BBX: variants seen among roughly 807,000 people sequenced by gnomAD.
BBX encodes HMG box transcription factor BBX.
A neutral mutation model predicts 100.2 loss-of-function variants in BBX; 30 were observed. The ratio of observed to expected loss-of-function variants is 0.30; its 90% CI spans 0.22 to 0.41. BBX has a LOEUF of 0.41. Ranked by LOEUF, BBX falls within the 10% of genes least tolerant of loss-of-function variation. The pLI is 1.00. For missense variants in BBX, 1,023 were observed against 1,129.8 expected (o/e 0.91, Z 1.35); for synonymous variants, 376 against 388.1 (o/e 0.97, Z 0.37).
intron 8 of BBX, among the ~76,000 whole-genome samples, chr3:107,747,450 T>A (rs1487476800): frequency 1.3e-5 from 2 of 152,112 alleles, no homozygotes; most frequent in Non-Finnish European, 2.9e-5. Context: ...AAAGTTTAGC[T>A]GAGCTGGCCA....
intron 9 of BBX, among the ~76,000 whole-genome samples, chr3:107,752,182 T>C (rs1039360544): frequency 1.3e-5 from 2 of 152,224 alleles, no homozygotes; most frequent in Non-Finnish European, 2.9e-5. Context: ...TTAGAAGATA[T>C]TTGCTTTGCC....
At chr3:107,673,057 A>G (rs892830138) in intron 3 of BBX, among the ~76,000 whole-genome samples, 1 of 152,196 alleles carries the variant, frequency 6.6e-6, no homozygotes, top group African/African-American at 2.4e-5. Context: ...GTTAAATTGG[A>G]TAATCTCTGA....
In BBX at chr3:107,739,478, A is replaced by T. The variant is rs539631305; in HGVS notation, c.670-5152A>T. 5.4e-3 allele frequency among the ~76,000 whole-genome samples: 830 copies of T among 152,342 alleles called. 3 individuals are homozygous for T. The highest frequency in any genetic ancestry group is 8.3e-3 in the Non-Finnish European group (567 of 68,028). ...CCATCCAAATCCAATGGTAGAACCCAGCCTCTACCATCTGTCCACTGTGGG... is the reference window on the plus strand; with the variant it reads ...CCATCCAAATCCAATGGTAGAACCCTGCCTCTACCATCTGTCCACTGTGGG... On this transcript the variant is annotated intron_variant, in intron 7 of 17. Coordinates refer to ENST00000325805, the MANE Select transcript of BBX (RefSeq NM_001142568.3).
At chr3:107,786,550 A>G (rs958752805) in intron 13 of BBX, among the ~76,000 whole-genome samples, 1 of 152,202 alleles carries the variant, frequency 6.6e-6, no homozygotes, top group African/African-American at 2.4e-5. Flanking sequence ...CAATGAGAAC[A>G]GTAGAGTCTT....
chr3:107,608,962 C>T (rs1474540970), intron 2 of BBX, among the ~76,000 whole-genome samples: 1 of 152,048 alleles, frequency 6.6e-6, no homozygotes, highest in Non-Finnish European at 1.5e-5. Context: ...TTGGGGGAAT[C>T]TTTAGGTTTT....
intron 2 of BBX, among the ~76,000 whole-genome samples, chr3:107,644,218 A>G (rs55761904): frequency 0.039 from 5,857 of 152,030 alleles, 143 homozygotes; most frequent in Middle Eastern, 0.085. Context: ...ACTTACGTAT[A>G]TAGGGATGTA....
At chr3:107,687,788 C>T (rs550989136) in intron 3 of BBX, among the ~76,000 whole-genome samples, 35 of 152,302 alleles carry the variant, frequency 2.3e-4, no homozygotes, top group African/African-American at 7.7e-4. Context: ...GGCACGGTGG[C>T]TCACACCTGT....
chr3:107,794,493 T>A (rs1440359423), intron 15 of BBX, among the ~76,000 whole-genome samples: 1 of 152,192 alleles, frequency 6.6e-6, no homozygotes, highest in Non-Finnish European at 1.5e-5. Flanking sequence ...ATTCACTTCT[T>A]TGCAGTGTAT....
intron 2 of BBX, among the ~76,000 whole-genome samples, chr3:107,533,991 A>T (rs1297651890): frequency 6.6e-6 from 1 of 152,200 alleles, no homozygotes; most frequent in East Asian, 1.9e-4. Flanking sequence ...AATTTCCTAT[A>T]AAACTACTTT....
intron 13 of BBX, among the ~76,000 whole-genome samples, chr3:107,781,332 T>C (rs919833995): frequency 2.6e-5 from 4 of 151,978 alleles, no homozygotes; most frequent in African/African-American, 9.7e-5. Context: ...GGGATGAAAA[T>C]AACTTTAAAG....
intron 10 of BBX, among the ~76,000 whole-genome samples, chr3:107,761,789 C>T (rs113043970): frequency 0.017 from 2,578 of 152,238 alleles, 48 homozygotes; most frequent in African/African-American, 0.042. Flanking sequence ...AAGCAGAGAC[C>T]TGCATTCCTG....
intron 2 of BBX, among the ~76,000 whole-genome samples, chr3:107,606,714 A>T (rs902378777): frequency 6.6e-6 from 1 of 152,112 alleles, no homozygotes; most frequent in East Asian, 1.9e-4. Context: ...GGATATTTTG[A>T]TACAGGCACA....
chr3:107,595,731 G>GT (rs1184329239), intron 2 of BBX, among the ~76,000 whole-genome samples: 6 of 152,184 alleles, frequency 3.9e-5, no homozygotes, highest in African/African-American at 1.4e-4. Context: ...GTCACTATCA[G>GT]TGATCCAGAA....
intron 11 of BBX, 46 bp from the exon 12 acceptor site, chr3:107,774,673 C>A: frequency 6.3e-7 from 1 of 1,588,630 alleles, no homozygotes; most frequent in South Asian, 1.2e-5. Flanking sequence ...CATCTCCCCT[C>A]GCCCACCTGT....
chr3:107,689,515 G>C (rs151200918), intron 3 of BBX, among the ~76,000 whole-genome samples: 4 of 152,102 alleles, frequency 2.6e-5, no homozygotes, highest in Non-Finnish European at 5.9e-5. Flanking sequence ...CAGCACTCAC[G>C]GGCTGTCAGT....
At chr3:107,537,277 C>A (rs1576214425) in intron 2 of BBX, among the ~76,000 whole-genome samples, 2 of 152,112 alleles carry the variant, frequency 1.3e-5, no homozygotes, top group South Asian at 4.1e-4. Flanking sequence ...GAGAATTGTT[C>A]AGCTATGTAA....
At chr3:107,791,448 C>T in intron 15 of BBX, 149 bp downstream of exon 15, 1 of 663,162 alleles carries the variant, frequency 1.5e-6, no homozygotes, top group Non-Finnish European at 2.5e-6. Context: ...ATTTTCACAT[C>T]AAAGCTGCTA....
chr3:107,742,736 T>C (rs577710926), intron 7 of BBX, among the ~76,000 whole-genome samples: 41 of 152,316 alleles, frequency 2.7e-4, no homozygotes, highest in African/African-American at 9.9e-4. Flanking sequence ...TGTAGACTTA[T>C]TTGATTGCAT....
At chr3:107,653,281 G>T (rs2057952454) in intron 3 of BBX, among the ~76,000 whole-genome samples, 1 of 152,174 alleles carries the variant, frequency 6.6e-6, no homozygotes, top group African/African-American at 2.4e-5. Flanking sequence ...ATCAGCAGGT[G>T]TTTGTTAAGA....
Sources: gnomAD v4.1 joint callset for allele counts (sites outside exome capture counted in the v4.1 genomes callset) on GRCh38, gnomAD v4.1.1 for gene constraint, MANE v1.5 for transcripts, NCBI Gene and HGNC (gene_info 2026-07-23, HGNC 2026-07-21) for gene names.